Variants in GRID1 observed in about 807,000 individuals in gnomAD.
GRID1 encodes glutamate ionotropic receptor delta type subunit 1, also known as glutamate receptor ionotropic, delta-1.
A neutral mutation model predicts 98.0 loss-of-function variants in GRID1; 28 were observed. That is an observed-to-expected ratio of 0.29 (90% CI 0.21 to 0.39). The LOEUF (loss-of-function observed/expected upper bound fraction) is 0.39. GRID1 is among the 10% of genes least tolerant of loss of function. The pLI, the probability that GRID1 is intolerant of heterozygous loss-of-function variation, is 1.00. For synonymous variants in GRID1, 553 were observed against 538.5 expected (o/e 1.03, Z -0.37); for missense variants, 1,111 against 1,340.5 (o/e 0.83, Z 2.67).
intron 2 of GRID1, among the ~76,000 whole-genome samples, chr10:86,210,309 C>T (rs1442056756): frequency 2.3e-4 from 35 of 152,202 alleles, no homozygotes; most frequent in Admixed American, 2.3e-3. Flanking sequence ...GGATCTCAAG[C>T]ATTCATTCAC....
rs141884732 is a variant in GRID1, at chr10:86,360,973, C to T, written c.235+2968G>A. Among the ~76,000 whole-genome samples, 310 of 152,310 alleles carry T rather than the reference C, an allele frequency of 2.0e-3. 2 individuals carry two copies. The highest frequency in any genetic ancestry group is 8.7e-4 in the Non-Finnish European group (59 of 68,028). ...GTCCAGTCAATGATGGAGATCAAGCCCCCATCTGCCTTTGCTCTCCATCCC... is the reference window on the plus strand; with the variant it reads ...GTCCAGTCAATGATGGAGATCAAGCTCCCATCTGCCTTTGCTCTCCATCCC... On this transcript the variant is annotated intron_variant, in intron 2 of 15. Coordinates refer to ENST00000327946, the MANE Select transcript of GRID1 (RefSeq NM_017551.3).
chr10:86,240,610 G>A (rs942088876), intron 2 of GRID1, among the ~76,000 whole-genome samples: 2 of 151,976 alleles, frequency 1.3e-5, no homozygotes, highest in African/African-American at 2.4e-5. Context: ...GGTGGGCAGG[G>A]CAGAGCTGGG....
intron 2 of GRID1, among the ~76,000 whole-genome samples, chr10:86,301,460 C>T (rs1429769031): frequency 6.6e-6 from 1 of 152,246 alleles, no homozygotes; most frequent in Admixed American, 6.5e-5. Context: ...TGAGCCTGCA[C>T]ACATGTGCTT....
intron 2 of GRID1, among the ~76,000 whole-genome samples, chr10:86,243,291 G>A (rs1322388196): frequency 2.0e-5 from 3 of 152,162 alleles, no homozygotes; most frequent in Non-Finnish European, 4.4e-5. Flanking sequence ...GGTCTCCTCT[G>A]GGGGAGGACA....
At chr10:85,875,743 T>C (rs370727836) in intron 5 of GRID1, among the ~76,000 whole-genome samples, 42 of 152,366 alleles carry the variant, frequency 2.8e-4, no homozygotes, top group South Asian at 8.3e-4. Context: ...CCAATCACCA[T>C]TATCCCAACT....
intron 4 of GRID1, among the ~76,000 whole-genome samples, chr10:86,082,615 C>T (rs1843993017): frequency 6.6e-6 from 1 of 152,196 alleles, no homozygotes; most frequent in Non-Finnish European, 1.5e-5. Flanking sequence ...TGCCCCTCTT[C>T]CCAAGTTCTG....
chr10:85,765,919 G>A (rs186181846), intron 8 of GRID1, among the ~76,000 whole-genome samples: 3 of 152,258 alleles, frequency 2.0e-5, no homozygotes, highest in African/African-American at 7.2e-5. Flanking sequence ...ACTTTCCCAT[G>A]GTCTAGTTTC....
intron 11 of GRID1, among the ~76,000 whole-genome samples, chr10:85,723,602 A>G (rs1170155616): frequency 6.6e-6 from 1 of 152,196 alleles, no homozygotes; most frequent in Non-Finnish European, 1.5e-5. Flanking sequence ...TAAACCTGAG[A>G]AATGAGATGT....
At chr10:85,787,760 C>A (rs1842442637) in intron 8 of GRID1, among the ~76,000 whole-genome samples, 1 of 152,140 alleles carries the variant, frequency 6.6e-6, no homozygotes, top group Non-Finnish European at 1.5e-5. Context: ...GGGTCTGCTG[C>A]CAAGCCCACC....
At chr10:86,146,016 A>T (rs1845084962) in intron 3 of GRID1, among the ~76,000 whole-genome samples, 1 of 152,238 alleles carries the variant, frequency 6.6e-6, no homozygotes, top group South Asian at 2.1e-4. Flanking sequence ...TCTGAAAAAA[A>T]TCAGATAGTC....
chr10:85,778,332 G>T (rs920185495), intron 8 of GRID1, among the ~76,000 whole-genome samples: 5 of 152,110 alleles, frequency 3.3e-5, no homozygotes, highest in African/African-American at 1.2e-4. Context: ...GGCTCAGCAA[G>T]GTAAGAGGTA....
rs139555000 is a variant in GRID1, at chr10:86,116,857, T to C, written c.726+21962A>G. 9.0e-4 allele frequency among the ~76,000 whole-genome samples: 137 copies of C among 152,192 alleles called. No individual in the cohort carries two copies. In the East Asian group the frequency reaches 0.025, roughly 28 times the overall value. On this transcript the variant is annotated intron_variant, in intron 4 of 15. Transcript: ENST00000327946. ...CTTCAATCCACCACCAAATAAATTG[T>C]CCCTTAGAGCCAGGTCCAGAGAGGC... is the stretch of plus-strand genomic sequence containing the variant.
At chr10:86,125,439 C>T (rs1004053383) in intron 4 of GRID1, among the ~76,000 whole-genome samples, 19 of 152,212 alleles carry the variant, frequency 1.2e-4, no homozygotes, top group African/African-American at 4.6e-4. Context: ...TACCAATGAT[C>T]ACCACCCATC....
intron 3 of GRID1, among the ~76,000 whole-genome samples, chr10:86,197,200 G>C (rs1845887249): frequency 1.3e-5 from 2 of 151,634 alleles, no homozygotes; most frequent in Non-Finnish European, 2.9e-5. Context: ...AGGCCCCACG[G>C]GACAGATGGA....
At chr10:86,263,378 C>T (rs954430363) in intron 2 of GRID1, among the ~76,000 whole-genome samples, 1 of 152,076 alleles carries the variant, frequency 6.6e-6, no homozygotes, top group Admixed American at 6.5e-5. Flanking sequence ...GAGACGGCAG[C>T]GGGGAGGATC....
chr10:86,031,729 A>G (rs940910346), intron 4 of GRID1, among the ~76,000 whole-genome samples: 9 of 151,848 alleles, frequency 5.9e-5, no homozygotes, highest in African/African-American at 1.2e-4. Context: ...TGTTCTTCAC[A>G]GCAGCTCTGC....
chr10:85,868,963 T>C (rs1210879688), intron 6 of GRID1, 47 bp downstream of exon 6: 2 of 1,544,492 alleles, frequency 1.3e-6, no homozygotes, highest in Non-Finnish European at 1.8e-6. Flanking sequence ...AGGGTGTGGG[T>C]GAGACTCTTG....
intron 8 of GRID1, among the ~76,000 whole-genome samples, chr10:85,769,747 T>A (rs1419232902): frequency 1.3e-5 from 2 of 152,154 alleles, no homozygotes; most frequent in East Asian, 3.9e-4. Context: ...GAGATCAAAC[T>A]GCAAGGCGGC....
intron 2 of GRID1, among the ~76,000 whole-genome samples, chr10:86,220,953 C>T (rs1158173803): frequency 6.6e-6 from 1 of 152,194 alleles, no homozygotes; most frequent in Admixed American, 6.5e-5. Context: ...GCTGACTGGC[C>T]CCCAAAGCCA....
Sources: gnomAD v4.1 joint callset for allele counts (sites outside exome capture counted in the v4.1 genomes callset) on GRCh38, gnomAD v4.1.1 for gene constraint, MANE v1.5 for transcripts, NCBI Gene and HGNC (gene_info 2026-07-23, HGNC 2026-07-21) for gene names.